The following CLASP1 variants were observed in gnomAD, a reference collection of about 807,000 sequenced individuals.
CLASP1 encodes cytoplasmic linker associated protein 1.
A neutral mutation model predicts 192.3 loss-of-function variants in CLASP1; 38 were observed. The observed-to-expected ratio is 0.20, with a 90% CI of 0.15 to 0.26. The LOEUF (loss-of-function observed/expected upper bound fraction) is 0.26, where lower values mean the gene tolerates loss of function less well. Ranked by LOEUF, CLASP1 falls within the 10% of genes least tolerant of loss-of-function variation. The pLI is 1.00. For missense variants in CLASP1, 1,433 were observed against 1,932.5 expected, an observed-to-expected ratio of 0.74 and a Z score of 4.85; for synonymous variants, 691 against 712.8, an observed-to-expected ratio of 0.97 and a Z score of 0.49.
intron 2 of CLASP1, among the ~76,000 whole-genome samples, chr2:121,545,918 A>G (rs897284968): frequency 2.0e-5 from 3 of 152,212 alleles, no homozygotes; most frequent in Non-Finnish European, 2.9e-5. Context: ...TACTTAAAAA[A>G]AAAAAACTTT....
intron 2 of CLASP1, chr2:121,530,899 T>G (rs1387127438): frequency 7.2e-6 from 5 of 695,216 alleles, no homozygotes; most frequent in African/African-American, 3.5e-5. Flanking sequence ...TTTCTTGGGG[T>G]TGCGCTACTG....
intron 22 of CLASP1, among the ~76,000 whole-genome samples, chr2:121,423,951 ACT>A (rs1368406657): frequency 1.3e-5 from 2 of 152,012 alleles, no homozygotes; most frequent in Non-Finnish European, 2.9e-5. Flanking sequence ...ACTCCCACCC[ACT>A]CTGACTTCCT....
intron 24 of CLASP1, chr2:121,409,157 C>A: frequency 1.2e-6 from 1 of 861,382 alleles, no homozygotes; most frequent in Admixed American, 3.0e-5. Flanking sequence ...CATATCTTAG[C>A]AAACCAAAAA....
intron 8 of CLASP1, among the ~76,000 whole-genome samples, chr2:121,498,197 G>A (rs2093609294): frequency 8.7e-6 from 1 of 114,590 alleles, no homozygotes; most frequent in Non-Finnish European, 1.7e-5. Flanking sequence ...ATAGGTAATA[G>A]TTTCTTTTTT....
intron 30 of CLASP1, among the ~76,000 whole-genome samples, chr2:121,395,344 G>T (rs1322649434): frequency 6.6e-6 from 1 of 152,166 alleles, no homozygotes; most frequent in Non-Finnish European, 1.5e-5. Context: ...TTCAAAACTA[G>T]TCTTAAAAAT....
intron 38 of CLASP1, 135 bp downstream of exon 39, chr2:121,348,377 C>T: frequency 2.8e-6 from 2 of 719,728 alleles, no homozygotes; most frequent in Non-Finnish European, 4.6e-6. Flanking sequence ...GTCCCTGCCA[C>T]ACGGCCTCAC....
At chr2:121,623,784 G>T (rs1054897986) in intron 1 of CLASP1, among the ~76,000 whole-genome samples, 1 of 152,102 alleles carries the variant, frequency 6.6e-6, no homozygotes. Context: ...GGAGGCAAAC[G>T]CTGCAGTGAG....
intron 2 of CLASP1, among the ~76,000 whole-genome samples, chr2:121,541,332 G>T (rs2095229052): frequency 6.6e-6 from 1 of 152,096 alleles, no homozygotes; most frequent in African/African-American, 2.4e-5. Flanking sequence ...ATTGTTTTAA[G>T]GTATTTTGCA....
intron 19 of CLASP1, among the ~76,000 whole-genome samples, chr2:121,446,012 T>C (rs1282064164): frequency 2.0e-5 from 3 of 152,240 alleles, no homozygotes; most frequent in African/African-American, 4.8e-5. Flanking sequence ...GAAGAGTTGT[T>C]ACTTCTCCTT....
At chr2:121,600,233 G>A (rs1411621236) in intron 2 of CLASP1, among the ~76,000 whole-genome samples, 1 of 152,182 alleles carries the variant, frequency 6.6e-6, no homozygotes, top group African/African-American at 2.4e-5. Flanking sequence ...CTGGGCTCCA[G>A]ATGTGAACAT....
chr2:121,522,910 A>T (rs1471173741), intron 6 of CLASP1, among the ~76,000 whole-genome samples: 2 of 152,256 alleles, frequency 1.3e-5, no homozygotes, highest in Non-Finnish European at 2.9e-5. Context: ...GATTTCTGCA[A>T]ATGAAAATGA....
chr2:121,387,701 G>C, intron 31 of CLASP1, 62 bp downstream of exon 32: 1 of 1,539,172 alleles, frequency 6.5e-7, no homozygotes. Context: ...GTAGGTTCTA[G>C]ATAAGGGCTA....
intron 2 of CLASP1, among the ~76,000 whole-genome samples, chr2:121,587,770 A>G (rs1161130372): frequency 3.4e-5 from 5 of 148,650 alleles, no homozygotes; most frequent in Admixed American, 6.6e-5. Context: ...GGCGGAGGTT[A>G]CAGTGAGCTG....
chr2:121,436,788 CTTCTTA>C (rs1227617936), intron 19 of CLASP1, among the ~76,000 whole-genome samples: 1 of 152,156 alleles, frequency 6.6e-6, no homozygotes, highest in Non-Finnish European at 1.5e-5. Context: ...TCTCCCTCTT[CTTCTTA>C]AACTCCCATT....
At chr2:121,464,647 T>C (rs1332410180) in intron 9 of CLASP1, among the ~76,000 whole-genome samples, 1 of 152,212 alleles carries the variant, frequency 6.6e-6, no homozygotes, top group Non-Finnish European at 1.5e-5. Context: ...AATGTCTTCT[T>C]TTGAGAAGTG....
At chr2:121,500,240 T>C (rs2093687781) in intron 8 of CLASP1, among the ~76,000 whole-genome samples, 1 of 148,306 alleles carries the variant, frequency 6.7e-6, no homozygotes, top group Non-Finnish European at 1.5e-5. Flanking sequence ...AGAATTACAC[T>C]GGGAGTTGTG....
chr2:121,345,379 T>A lies in CLASP1; in HGVS notation c.4530+1659A>T, dbSNP rs989546064. Among the ~76,000 whole-genome samples the A allele has an allele frequency of 1.3e-5, 2 of 152,160 alleles. 1 individual carries two copies. Among genetic ancestry groups the A allele is most frequent in the Admixed American group, 1.3e-4 (2 of 15,276 alleles). On this transcript the variant is annotated intron_variant, in intron 39 of 39. Transcript: ENST00000263710. ...AAACACCTGGATTTTCTGTCCCTTA[T>A]CCAAAGGTTCAAATGAGTTGATGGG...
At chr2:121,464,845 T>C (rs928919296) in intron 9 of CLASP1, among the ~76,000 whole-genome samples, 4 of 152,158 alleles carry the variant, frequency 2.6e-5, no homozygotes, top group African/African-American at 9.7e-5. Flanking sequence ...GAAGCTCTTA[T>C]TAATTAGATC....
intron 6 of CLASP1, 65 bp from the exon 7 acceptor site, chr2:121,515,827 A>C: frequency 1.5e-6 from 2 of 1,321,620 alleles, no homozygotes; most frequent in Non-Finnish European, 2.2e-6. Flanking sequence ...CTGCTGGGAC[A>C]CAACAGGCCA....
Sources: allele counts gnomAD v4.1 joint callset (sites outside exome capture counted in the v4.1 genomes callset), GRCh38; gene constraint gnomAD v4.1.1; transcripts MANE v1.5; gene names NCBI Gene and HGNC (gene_info 2026-07-23, HGNC 2026-07-21).